Variants in TRIM37 observed in about 807,000 individuals in gnomAD.
TRIM37 encodes the protein E3 ubiquitin-protein ligase TRIM37.
Under a neutral mutation model 129.8 loss-of-function variants are expected in TRIM37, and 80 were observed. The ratio of observed to expected loss-of-function variants is 0.62; its 90% CI spans 0.51 to 0.74. TRIM37 has a LOEUF of 0.74. TRIM37 is among the 30% of genes least tolerant of loss of function. The pLI is 0.00. For missense variants in TRIM37, 1,054 were observed against 1,176.5 expected (o/e 0.90, Z 1.52); for synonymous variants, 389 against 387.1 (o/e 1.00, Z -0.06).
In TRIM37 at chr17:59,051,260, T is replaced by A; in HGVS notation, c.1268A>T (p.Glu423Val). ...RDQHWYITQL[E>V]AAQTSYIQQI... The stretch of plus-strand genomic sequence containing the variant: ...TTGGATATAACTAGTCTGTGCAGCT[T>A]CCAACTGAGTAATGTACCAATGCTG... Residue 423 changes from glutamate (E) to valine (V), a missense_variant, in exon 14 of 24, where the codon GAA (glutamate) becomes GTA (valine). By Grantham distance (121) the Glu-to-Val change is moderately radical. Coordinates refer to ENST00000262294, the MANE Select transcript of TRIM37 (RefSeq NM_015294.6). 1 of 1,613,974 alleles carries A rather than the reference T, an allele frequency of 6.2e-7. No individual in the cohort carries two copies. The highest frequency in any genetic ancestry group is 1.1e-5 in the South Asian group (1 of 91,080).
intron 1 of TRIM37, among the ~76,000 whole-genome samples, chr17:59,106,165 G>A (rs1322732148): frequency 6.6e-6 from 1 of 152,196 alleles, no homozygotes; most frequent in Non-Finnish European, 1.5e-5. Context: ...GGAAAAGGAT[G>A]CTGTTTGCAA....
At chr17:59,104,494 T>C in intron 1 of TRIM37, 100 bp from the exon 2 acceptor site, 1 of 1,055,286 alleles carries the variant, frequency 9.5e-7, no homozygotes, top group Non-Finnish European at 1.5e-6. Context: ...TATTTTGGGC[T>C]GATCTCTCAA....
At chr17:58,995,054 T>C (rs890475315), downstream of TRIM37, among the ~76,000 whole-genome samples, 1 of 151,978 alleles carries the variant, frequency 6.6e-6, no homozygotes, top group Non-Finnish European at 1.5e-5. Context: ...CGGCCATACA[T>C]TTTCTTTTTT....
chr17:59,073,204 T>C (rs1198834813), intron 8 of TRIM37: 2 of 152,210 alleles, frequency 1.3e-5, no homozygotes, highest in African/African-American at 4.8e-5. Context: ...TGTACATACA[T>C]CCATAAACAA....
At chr17:58,986,455 G>C (rs926402911) in intron 24 of TRIM37, among the ~76,000 whole-genome samples, 2 of 150,632 alleles carry the variant, frequency 1.3e-5, no homozygotes, top group African/African-American at 4.9e-5. Context: ...CTCCCACCTC[G>C]GCCTCCCTAA....
chr17:59,028,778 T>C, intron 18 of TRIM37, 55 bp from the exon 19 acceptor site: 3 of 1,589,606 alleles, frequency 1.9e-6, no homozygotes, highest in Non-Finnish European at 2.6e-6. Context: ...AATGAAATCA[T>C]TTGTACCATG....
intron 3 of TRIM37, among the ~76,000 whole-genome samples, chr17:59,088,733 G>C (rs1034276595): frequency 4.0e-5 from 6 of 151,588 alleles, no homozygotes; most frequent in Admixed American, 2.6e-4. Context: ...TCCCAGGCTG[G>C]TCTTGAACTC....
Position 59,041,870 on chromosome 17 carries a change from T to A in TRIM37, c.1696A>T (p.Asn566Tyr). The A allele has an allele frequency of 6.2e-7, 1 of 1,613,810 alleles. No homozygotes were observed. The highest frequency in any genetic ancestry group is 1.1e-5 in the South Asian group (1 of 91,078). ...MSGENDVEYNNMELEEGELME... is the reference protein window; with the variant it reads ...MSGENDVEYNYMELEEGELME... ...AGTTCTCCCTCTTCTAATTCCATGT[T>A]GTTATATTCCACATCATTTTCTCCA... The change falls in exon 17 of 24, where the codon AAC (asparagine) becomes TAC (tyrosine). Residue 566 changes from asparagine (N) to tyrosine (Y), a missense_variant. By Grantham distance (143) the Asn-to-Tyr change is moderately radical. Transcript: ENST00000262294.
chr17:58,979,700 C>A (rs1382080149), downstream of TRIM37, among the ~76,000 whole-genome samples: 2 of 152,160 alleles, frequency 1.3e-5, no homozygotes, highest in Non-Finnish European at 2.9e-5. Flanking sequence ...TCAGCTAAGC[C>A]TAAATCATAG....
At chr17:59,038,753 T>C (rs79557429) in intron 17 of TRIM37, among the ~76,000 whole-genome samples, 3,171 of 152,284 alleles carry the variant, frequency 0.021, 43 homozygotes, top group Middle Eastern at 0.044. Context: ...TAAGACCTAA[T>C]GCCATACCAG....
At chr17:59,008,753 A>G (rs1472168521) in intron 22 of TRIM37, among the ~76,000 whole-genome samples, 1 of 152,094 alleles carries the variant, frequency 6.6e-6, no homozygotes, top group Non-Finnish European at 1.5e-5. Context: ...AAAAATAAAG[A>G]AGTCCAAATC....
intron 16 of TRIM37, among the ~76,000 whole-genome samples, chr17:59,045,775 G>A (rs545508752): frequency 7.4e-4 from 113 of 152,110 alleles, no homozygotes; most frequent in African/African-American, 2.7e-3. Flanking sequence ...AGCACTTTGG[G>A]AGGCTGAAGT....
chr17:59,091,021 C>A (rs914424197), intron 3 of TRIM37, among the ~76,000 whole-genome samples: 2 of 151,860 alleles, frequency 1.3e-5, no homozygotes, highest in Non-Finnish European at 2.9e-5. Flanking sequence ...GATTTTTTAA[C>A]CAGAAACATT....
Position 59,045,646 on chromosome 17 carries a change from AAAAAAAG to A in TRIM37, c.1667+2030_1667+2036del, listed in dbSNP as rs1487235001. On this transcript the variant is annotated intron_variant, in intron 16 of 23. Transcript: ENST00000262294. The stretch of plus-strand genomic sequence containing the variant: ...AGTGCGAAACTCCGTCACAAAAAAA[AAAAAAAG>A]AAAAAAGAAAAAAAATTACACACTA... Among the ~76,000 whole-genome samples the A allele has an allele frequency of 7.2e-5, 11 of 151,872 alleles. No individual in the cohort carries two copies. In the South Asian group the frequency reaches 2.3e-3, roughly 32 times the overall value.
intron 24 of TRIM37, among the ~76,000 whole-genome samples, chr17:58,986,757 C>T (rs1299861900): frequency 6.6e-6 from 1 of 152,182 alleles, no homozygotes; most frequent in Non-Finnish European, 1.5e-5. Context: ...GATCTGCCTG[C>T]CTTGGCCTCC....
chr17:58,980,667 C>A, downstream of TRIM37: 1 of 1,614,164 alleles, frequency 6.2e-7, no homozygotes, highest in Non-Finnish European at 8.5e-7. The surrounding 1 kb of genome is among the most constrained non-coding windows in gnomAD (Gnocchi z 4.7). Context: ...TTGGGTTCAA[C>A]AGGGGAGCAG....
Position 59,106,475 on chromosome 17 carries a change from C to T in TRIM37, c.-14G>A. 6.2e-7 allele frequency: 1 copy of T among 1,613,708 alleles called. No homozygotes were observed. On this transcript the variant is annotated 5_prime_UTR_variant, in exon 1 of 24. Coordinates refer to ENST00000262294, the MANE Select transcript of TRIM37 (RefSeq NM_015294.6). ...CTGTTCATCCATTGCCTCCGGCTCT[C>T]GGCGGGGCCGCTGGCGACCCGCAGG...
In TRIM37 at chr17:59,012,358, G is replaced by T; in HGVS notation, c.2665C>A (p.Pro889Thr). ...SETGELQPVL[P>T]EGASAAPEEG... ...TCAGGGGCAGCTGAAGCTCCTTCAGGTAGTACAGGCTGTAACTCTCCAGTT... is the reference window on the plus strand; with the variant it reads ...TCAGGGGCAGCTGAAGCTCCTTCAGTTAGTACAGGCTGTAACTCTCCAGTT... Residue 889 changes from proline (P) to threonine (T), a missense_variant, in exon 22 of 24, where the codon CCT becomes ACT. Coordinates refer to ENST00000262294, the MANE Select transcript of TRIM37 (RefSeq NM_015294.6). 6.2e-7 allele frequency: 1 copy of T among 1,612,804 alleles called. No homozygotes were observed. Among genetic ancestry groups the T allele is most frequent in the Non-Finnish European group, 8.5e-7 (1 of 1,179,576 alleles).
chr17:58,973,056 T>C, the TRIM37 span: 1 of 600,658 alleles, frequency 1.7e-6, no homozygotes, highest in Non-Finnish European at 3.0e-6. Context: ...AAAATAATAA[T>C]TGGATAACGT....
Sources: allele counts gnomAD v4.1 joint callset (sites outside exome capture counted in the v4.1 genomes callset), GRCh38; gene constraint gnomAD v4.1.1; non-coding constraint Gnocchi (gnomAD v3.1); transcripts MANE v1.5; gene names NCBI Gene and HGNC (gene_info 2026-07-23, HGNC 2026-07-21).